The following LARP1B variants were observed in gnomAD, a reference collection of about 807,000 sequenced individuals.
LARP1B encodes La ribonucleoprotein 1B.
A neutral mutation model predicts 114.2 loss-of-function variants in LARP1B; 76 were observed. The observed-to-expected ratio is 0.67, with a 90% CI of 0.55 to 0.81. The LOEUF (loss-of-function observed/expected upper bound fraction) is 0.81, where lower values mean the gene tolerates loss of function less well. Ranked by LOEUF, LARP1B falls within the 30% of genes least tolerant of loss-of-function variation. LARP1B has a pLI of 0.00. For missense variants in LARP1B, 1,014 were observed against 1,075.8 expected (o/e 0.94, Z 0.80); for synonymous variants, 345 against 348.0 (o/e 0.99, Z 0.10).
intron 9 of LARP1B, 42 bp downstream of exon 9, chr4:128,107,355 T>C: frequency 6.2e-7 from 1 of 1,605,402 alleles, no homozygotes; most frequent in Non-Finnish European, 8.5e-7. Flanking sequence ...AACAGTGGGT[T>C]ATTTGGTCCA....
At chr4:128,119,387 G>A (rs1328718044) in intron 10 of LARP1B, among the ~76,000 whole-genome samples, 2 of 152,182 alleles carry the variant, frequency 1.3e-5, no homozygotes, top group Non-Finnish European at 2.9e-5. Context: ...TAGAGGTTCA[G>A]AATAATGCTA....
intron 19 of LARP1B, among the ~76,000 whole-genome samples, chr4:128,208,660 C>T (rs1412753731): frequency 6.6e-6 from 1 of 152,158 alleles, no homozygotes; most frequent in Admixed American, 6.5e-5. Flanking sequence ...CTTAGTTTAG[C>T]TCCACATAAA....
At chr4:128,076,693 A>C (rs1456878803) in intron 3 of LARP1B, among the ~76,000 whole-genome samples, 2 of 152,052 alleles carry the variant, frequency 1.3e-5, no homozygotes, top group African/African-American at 4.8e-5. Flanking sequence ...AGTGTACATG[A>C]ATTCCAGTTA....
chr4:128,123,059 AAAAGCTAGCC>A, intron 11 of LARP1B: 5 of 985,476 alleles, frequency 5.1e-6, no homozygotes, highest in Non-Finnish European at 6.0e-6. Context: ...TTGTAGGAAG[AAAAGCTAGCC>A]AATTAGTGGC....
At chr4:128,068,932 T>C (rs1764118824) in intron 1 of LARP1B, 4 of 530,286 alleles carry the variant, frequency 7.5e-6, no homozygotes, top group African/African-American at 5.7e-5. Flanking sequence ...CAGACTAGTT[T>C]TAACAGATAA....
chr4:128,108,327 T>C (rs1178441560), intron 9 of LARP1B: 52 of 1,003,734 alleles, frequency 5.2e-5, no homozygotes, highest in Non-Finnish European at 5.9e-5. Context: ...TTAAGTACTT[T>C]GCTATTCGAT....
At chr4:128,107,763 G>T in intron 9 of LARP1B, 1 of 1,502,460 alleles carries the variant, frequency 6.7e-7, no homozygotes, top group South Asian at 1.3e-5. Flanking sequence ...TTAGAATTGG[G>T]GTTCTGTTTA....
intron 15 of LARP1B, among the ~76,000 whole-genome samples, chr4:128,196,937 G>A (rs1172000513): frequency 6.6e-6 from 1 of 152,110 alleles, no homozygotes; most frequent in African/African-American, 2.4e-5. Context: ...ATGAAACAAG[G>A]TTGACACAGA....
At chr4:128,067,051 G>A (rs776505862) in intron 1 of LARP1B, among the ~76,000 whole-genome samples, 11 of 150,874 alleles carry the variant, frequency 7.3e-5, no homozygotes, top group Non-Finnish European at 1.2e-4. Context: ...CAGTTGATGC[G>A]CCCGCTTCGG....
intron 1 of LARP1B, among the ~76,000 whole-genome samples, chr4:128,066,667 A>G (rs1763028017): frequency 6.6e-6 from 1 of 151,788 alleles, no homozygotes; most frequent in African/African-American, 2.4e-5. Context: ...TAGTACAGGC[A>G]GGGTTTCTCT....
chr4:128,162,369 G>C, intron 12 of LARP1B, 52 bp downstream of exon 12: 1 of 1,482,256 alleles, frequency 6.7e-7, no homozygotes. Flanking sequence ...AAGCAGTTCT[G>C]AATTGTTTTT....
chr4:128,148,378 C>A (rs1731236475), intron 11 of LARP1B, among the ~76,000 whole-genome samples: 1 of 151,802 alleles, frequency 6.6e-6, no homozygotes, highest in African/African-American at 2.4e-5. Flanking sequence ...TTGAAGTGAG[C>A]CGAGATTGCA....
intron 6 of LARP1B, among the ~76,000 whole-genome samples, chr4:128,217,631 A>T (rs1759616274): frequency 1.8e-5 from 1 of 55,888 alleles, no homozygotes; most frequent in South Asian, 8.9e-4. Flanking sequence ...TTAGGTATTG[A>T]TGGGACGTAT....
At chr4:128,080,099 C>T (rs962698784) in intron 4 of LARP1B, among the ~76,000 whole-genome samples, 2 of 151,912 alleles carry the variant, frequency 1.3e-5, no homozygotes, top group Non-Finnish European at 1.5e-5. Context: ...ATTCTCCTGC[C>T]TCAGCCTCCC....
chr4:128,098,385 C>G (rs910146009), intron 8 of LARP1B, 55 bp downstream of exon 8: 2 of 1,466,332 alleles, frequency 1.4e-6, no homozygotes, highest in African/African-American at 2.8e-5. Context: ...TCCTTTGTAC[C>G]TAAAACTTCT....
intron 3 of LARP1B, 150 bp downstream of exon 3, chr4:128,075,143 C>T (rs12642346): frequency 0.14 from 83,195 of 614,830 alleles, 6,657 homozygotes; most frequent in South Asian, 0.2. Flanking sequence ...TGCTCTGTCT[C>T]CAGGCTGGAG....
At chr4:128,146,563 A>C (rs946108981) in intron 11 of LARP1B, among the ~76,000 whole-genome samples, 5 of 152,218 alleles carry the variant, frequency 3.3e-5, no homozygotes, top group African/African-American at 1.2e-4. Context: ...GGAAACTTTC[A>C]AAGGTAATAA....
chr4:128,085,613 C>T (rs952979168), intron 5 of LARP1B, among the ~76,000 whole-genome samples: 3 of 152,174 alleles, frequency 2.0e-5, no homozygotes, highest in African/African-American at 7.2e-5. Flanking sequence ...AGCGATTCTC[C>T]TGCCTCGGCC....
intron 12 of LARP1B, among the ~76,000 whole-genome samples, chr4:128,164,949 A>G (rs903548609): frequency 1.3e-5 from 2 of 152,188 alleles, no homozygotes; most frequent in Admixed American, 1.3e-4. Context: ...GTTACATGTG[A>G]CAAAATGTGT....
Sources: allele counts gnomAD v4.1 joint callset (sites outside exome capture counted in the v4.1 genomes callset), GRCh38; gene constraint gnomAD v4.1.1; transcripts MANE v1.5; gene names NCBI Gene and HGNC (gene_info 2026-07-23, HGNC 2026-07-21).